Variants in PTPN2 observed in about 807,000 individuals in gnomAD.
The protein encoded by PTPN2 is protein tyrosine phosphatase non-receptor type 2.
PTPN2 carries 19 observed loss-of-function variants against 57.3 expected under a neutral mutation model. The observed-to-expected ratio is 0.33, with a 90% CI of 0.23 to 0.49. PTPN2 has a LOEUF of 0.49. Ranked by LOEUF, PTPN2 falls within the 20% of genes least tolerant of loss-of-function variation. The pLI is 0.99. For synonymous variants in PTPN2, 153 were observed against 164.9 expected (o/e 0.93, Z 0.55); for missense variants, 358 against 501.1 (o/e 0.71, Z 2.73).
intron 2 of PTPN2, 113 bp downstream of exon 2, chr18:12,859,051 G>A: frequency 1.5e-6 from 1 of 656,018 alleles, no homozygotes. Flanking sequence ...TACGTAAATA[G>A]GAAAAAAATT....
At chr18:12,860,846 G>A (rs535764187) in intron 1 of PTPN2, among the ~76,000 whole-genome samples, 68 of 152,188 alleles carry the variant, frequency 4.5e-4, no homozygotes, top group African/African-American at 1.6e-3. Flanking sequence ...ATCCAGAATG[G>A]CCAGGTTTGA....
At chr18:12,837,437 C>T (rs1156700235) in intron 2 of PTPN2, among the ~76,000 whole-genome samples, 1 of 151,974 alleles carries the variant, frequency 6.6e-6, no homozygotes, top group Admixed American at 6.5e-5. Flanking sequence ...TTTAAAAGAC[C>T]ACTGAAGATA....
At chr18:12,855,462 G>A (rs1308232366) in intron 2 of PTPN2, among the ~76,000 whole-genome samples, 1 of 151,906 alleles carries the variant, frequency 6.6e-6, no homozygotes, top group Non-Finnish European at 1.5e-5. Context: ...AGGGAGGGGA[G>A]GCTTCTCTCC....
At chr18:12,841,337 G>A (rs1039361858) in intron 2 of PTPN2, among the ~76,000 whole-genome samples, 2 of 152,242 alleles carry the variant, frequency 1.3e-5, no homozygotes, top group Admixed American at 6.5e-5. Flanking sequence ...ACAGGCACAG[G>A]CTCTGGACAG....
In PTPN2 at chr18:12,836,901, G is replaced by C. The variant is rs778831880; in HGVS notation, c.161-10C>G. On this transcript the variant is annotated splice_polypyrimidine_tract_variant and intron_variant, in intron 2 of 8. Coordinates refer to ENST00000309660, the MANE Select transcript of PTPN2 (RefSeq NM_002828.4). ...ACACGACTGTGATCATCTGAAAATAGAGAATGATAAACCACAACTGTCATT... is the reference window on the plus strand; with the variant it reads ...ACACGACTGTGATCATCTGAAAATACAGAATGATAAACCACAACTGTCATT... 31 of 1,538,942 alleles carry C rather than the reference G, an allele frequency of 2.0e-5. No homozygotes were observed. The Middle Eastern group carries it at 5.5e-4, about 27-fold the overall frequency.
downstream of PTPN2, among the ~76,000 whole-genome samples, chr18:12,790,665 C>T (rs1473535933): frequency 6.6e-6 from 1 of 152,144 alleles, no homozygotes. Context: ...CTGTTGAAAG[C>T]AAAGGAGTTG....
At chr18:12,865,041 CTTTG>C (rs1257430613) in intron 1 of PTPN2, among the ~76,000 whole-genome samples, 5 of 152,166 alleles carry the variant, frequency 3.3e-5, no homozygotes, top group Non-Finnish European at 7.4e-5. Context: ...CATCATTATA[CTTTG>C]TTTTTCATTG....
intron 3 of PTPN2, among the ~76,000 whole-genome samples, chr18:12,835,728 T>C (rs1482614318): frequency 6.6e-6 from 1 of 152,110 alleles, no homozygotes; most frequent in Non-Finnish European, 1.5e-5. Flanking sequence ...ACTTTCTTGG[T>C]CGGTCAGAGT....
At chr18:12,869,810 G>A (rs2044124239) in intron 1 of PTPN2, among the ~76,000 whole-genome samples, 1 of 152,128 alleles carries the variant, frequency 6.6e-6, no homozygotes, top group Admixed American at 6.6e-5. Flanking sequence ...AGGTCTCTAA[G>A]TGAATCCTAA....
In PTPN2 at chr18:12,801,994, T is replaced by G. The variant is rs2041448127; in HGVS notation, c.1016A>C (p.Asp339Ala). The G allele has an allele frequency of 6.2e-7, 1 of 1,609,110 alleles. No homozygotes were observed. Among genetic ancestry groups the G allele is most frequent in the African/African-American group, 1.3e-5 (1 of 74,816 alleles). The stretch of plus-strand genomic sequence containing the variant: ...CCTCTCACTGTTCTCCTCCATTGTA[T>G]CTTGCATTTTAGAGGAAAGTCCTGT... ...RCTGLSSKMQDTMEENSESAL... is the reference protein window; with the variant it reads ...RCTGLSSKMQATMEENSESAL... The change falls in exon 8 of 9, where the codon GAT (aspartate) becomes GCT (alanine). Residue 339 changes from aspartate (D) to alanine (A), a missense_variant. Physicochemically the swap from Asp to Ala is moderately radical, Grantham distance 126. Transcript: ENST00000309660.
chr18:12,860,370 G>A (rs2043757916), intron 1 of PTPN2, among the ~76,000 whole-genome samples: 1 of 151,942 alleles, frequency 6.6e-6, no homozygotes, highest in Admixed American at 6.6e-5. Context: ...AGGCCGAGGT[G>A]GGTGGATCAC....
chr18:12,859,106 T>C (rs1407233073), intron 2 of PTPN2, 58 bp downstream of exon 2: 40 of 1,339,684 alleles, frequency 3.0e-5, no homozygotes, highest in Non-Finnish European at 3.2e-6. Context: ...TTTCACTACA[T>C]CCTGCCTCCT....
At chr18:12,850,938 C>G (rs1056704444) in intron 2 of PTPN2, among the ~76,000 whole-genome samples, 1 of 152,098 alleles carries the variant, frequency 6.6e-6, no homozygotes, top group African/African-American at 2.4e-5. Flanking sequence ...CGAGGTTTCT[C>G]CATGTTGGTC....
rs367970136 is a variant in PTPN2, at chr18:12,870,507, G to GTTTTT, written c.70-11254_70-11253insAAAAA. Among the ~76,000 whole-genome samples the GTTTTT allele has an allele frequency of 3.4e-4, 21 of 62,596 alleles. 3 individuals carry two copies. The highest frequency in any genetic ancestry group is 2.0e-3 in the African/African-American group (21 of 10,540). The allele number at this position is 62,596 out of a possible 152,430, so 41.1% of individuals were successfully genotyped here. A position where few individuals can be genotyped will look rare whatever the true frequency, so the allele number is the denominator to read the frequency against. On this transcript the variant is annotated intron_variant, in intron 1 of 8. Transcript: ENST00000309660. ...GAGAGAGAGAGAGAGAGAAAAGCGT[G>GTTTTT]TTGTTTTTTTTTTTTTTTTGAGACA...
At position 12,828,166 on chromosome 18, in the gene PTPN2, C is replaced by T. The variant is rs146763587; in HGVS notation, c.361-2222G>A. On this transcript the variant is annotated intron_variant, in intron 4 of 8. Transcript: ENST00000309660. ...CACATGAGCCAAGGATTTTATATCC[C>T]GCCAAACTGACTTTCAGATATTAAG... Among the ~76,000 whole-genome samples the T allele has an allele frequency of 9.9e-4, 151 of 152,184 alleles. 2 individuals are homozygous for T. In the East Asian group the frequency reaches 0.022, roughly 23 times the overall value.
chr18:12,876,557 T>C (rs753561963), intron 1 of PTPN2, among the ~76,000 whole-genome samples: 28 of 152,156 alleles, frequency 1.8e-4, no homozygotes, highest in Non-Finnish European at 3.4e-4. Flanking sequence ...TGGATTTCCG[T>C]AATTATAGAT....
chr18:12,813,155 T>C (rs753192782), intron 7 of PTPN2, among the ~76,000 whole-genome samples: 11 of 152,208 alleles, frequency 7.2e-5, no homozygotes, highest in South Asian at 2.1e-4. Flanking sequence ...TGGGGAAATC[T>C]GATTGAACTA....
intron 1 of PTPN2, among the ~76,000 whole-genome samples, chr18:12,867,659 A>T (rs889517489): frequency 6.6e-6 from 1 of 152,132 alleles, no homozygotes; most frequent in African/African-American, 2.4e-5. Flanking sequence ...CCTTTCAGGA[A>T]TTTCTATCAC....
At chr18:12,851,448 C>T (rs2043390139) in intron 2 of PTPN2, among the ~76,000 whole-genome samples, 1 of 7,998 alleles carries the variant, frequency 1.3e-4, no homozygotes, top group African/African-American at 2.0e-4. Flanking sequence ...CACTGCAGTC[C>T]GCAGTCCGGC....
Sources: gnomAD v4.1 joint callset for allele counts (sites outside exome capture counted in the v4.1 genomes callset) on GRCh38, gnomAD v4.1.1 for gene constraint, MANE v1.5 for transcripts, NCBI Gene and HGNC (gene_info 2026-07-23, HGNC 2026-07-21) for gene names.